The following GPC3 variants were observed in gnomAD, a reference collection of about 807,000 sequenced individuals.
GPC3 encodes glypican 3, also known as glypican-3.
GPC3 carries 3 observed loss-of-function variants against 34.4 expected under a neutral mutation model. That is an observed-to-expected ratio of 0.09 (90% CI 0.04 to 0.23). GPC3 has a LOEUF of 0.23. Among genes scored for constraint, GPC3 ranks in the 10% least tolerant of loss-of-function variants. The pLI is 1.00. For missense variants in GPC3, 351 were observed against 445.6 expected, an observed-to-expected ratio of 0.79 and a Z score of 1.91; for synonymous variants, 177 against 174.0, an observed-to-expected ratio of 1.02 and a Z score of -0.13.
At chrX:133,863,934 C>T (rs1406776931) in intron 2 of GPC3, among the ~76,000 whole-genome samples, 2 of 110,610 alleles carry the variant, frequency 1.8e-5, no homozygotes, top group African/African-American at 6.6e-5. Context: ...GGATTACAGG[C>T]GTGAGCCACC....
At chrX:133,773,346 T>C (rs902566867) in intron 2 of GPC3, among the ~76,000 whole-genome samples, 6 of 111,795 alleles carry the variant, frequency 5.4e-5, no homozygotes, top group East Asian at 2.8e-4. Flanking sequence ...ACAGTACCAA[T>C]TGACAAAGAA....
intron 5 of GPC3, among the ~76,000 whole-genome samples, chrX:133,662,397 T>C (rs1350665261): frequency 1.8e-5 from 2 of 112,245 alleles, no homozygotes; most frequent in Non-Finnish European, 3.8e-5. Context: ...ATTATACCTG[T>C]CAGCTTCCCT....
chrX:133,822,760 A>G (rs2075725562), intron 2 of GPC3, among the ~76,000 whole-genome samples: 1 of 111,229 alleles, frequency 9.0e-6, no homozygotes, highest in Admixed American at 9.6e-5. Flanking sequence ...ATTACCACAG[A>G]CTAGAAACAA....
intron 7 of GPC3, among the ~76,000 whole-genome samples, chrX:133,586,985 G>A (rs187228203): frequency 1.8e-5 from 2 of 110,929 alleles, no homozygotes; most frequent in Admixed American, 1.9e-4. Context: ...CCTCCTTCTG[G>A]CTATTTGAAA....
intron 4 of GPC3, among the ~76,000 whole-genome samples, chrX:133,698,941 C>T (rs1374332549): frequency 8.9e-6 from 1 of 112,043 alleles, no homozygotes; most frequent in Non-Finnish European, 1.9e-5. Flanking sequence ...AGAAAGGCTC[C>T]ATCTCAGATT....
At chrX:133,797,425 T>C (rs773149492) in intron 2 of GPC3, among the ~76,000 whole-genome samples, 6 of 111,821 alleles carry the variant, frequency 5.4e-5, no homozygotes, top group African/African-American at 1.6e-4. Flanking sequence ...CCCACAAAAC[T>C]ACAACTTCTT....
intron 2 of GPC3, among the ~76,000 whole-genome samples, chrX:133,933,259 G>A (rs12687021): frequency 0.045 from 4,942 of 110,396 alleles, 115 homozygotes; most frequent in East Asian, 0.097. Context: ...ACCCTATCCA[G>A]AGCACATCAT....
chrX:133,646,448 T>A (rs1386818017), intron 6 of GPC3, among the ~76,000 whole-genome samples: 1 of 111,801 alleles, frequency 8.9e-6, no homozygotes, highest in Non-Finnish European at 1.9e-5. Flanking sequence ...GGGGGAGGTA[T>A]GCCAAAGATT....
intron 7 of GPC3, among the ~76,000 whole-genome samples, chrX:133,543,283 T>C (rs987344427): frequency 2.7e-5 from 3 of 111,229 alleles, no homozygotes; most frequent in African/African-American, 9.8e-5. Flanking sequence ...CACTCCTGGA[T>C]TATTTTTGTA....
intron 2 of GPC3, among the ~76,000 whole-genome samples, chrX:133,830,007 A>C (rs2075767451): frequency 8.9e-6 from 1 of 112,379 alleles, no homozygotes. Flanking sequence ...GATAATTTGC[A>C]TATACAGACA....
At chrX:133,859,029 C>T (rs1247471361) in intron 2 of GPC3, among the ~76,000 whole-genome samples, 1 of 103,933 alleles carries the variant, frequency 9.6e-6, no homozygotes, top group East Asian at 3.0e-4. Context: ...TGCAGTGAGC[C>T]GAGATCATGC....
intron 2 of GPC3, among the ~76,000 whole-genome samples, chrX:133,792,393 T>C (rs1161551724): frequency 9.0e-6 from 1 of 111,338 alleles, no homozygotes; most frequent in East Asian, 2.8e-4. Context: ...AATAAATGGG[T>C]ATAGAATGAG....
At chrX:133,787,626 T>G (rs940877207) in intron 2 of GPC3, among the ~76,000 whole-genome samples, 3 of 111,647 alleles carry the variant, frequency 2.7e-5, no homozygotes, top group Non-Finnish European at 5.7e-5. Context: ...GTGAAGTCAG[T>G]TATCTGCTCA....
intron 2 of GPC3, among the ~76,000 whole-genome samples, chrX:133,869,863 G>A (rs2075986556): frequency 8.9e-6 from 1 of 112,232 alleles, no homozygotes; most frequent in South Asian, 3.7e-4. Context: ...GCTGAGGCAG[G>A]AGAATGGCAT....
intron 6 of GPC3, among the ~76,000 whole-genome samples, chrX:133,656,236 G>A (rs2070662734): frequency 8.9e-6 from 1 of 112,448 alleles, no homozygotes; most frequent in South Asian, 3.7e-4. Flanking sequence ...TTTGGCCATA[G>A]AAATTACCAT....
chrX:133,654,836 T>C (rs753812351), intron 6 of GPC3, among the ~76,000 whole-genome samples: 1 of 112,320 alleles, frequency 8.9e-6, no homozygotes, highest in Non-Finnish European at 1.9e-5. Context: ...TTCATAAACC[T>C]GGTAGTCTAT....
intron 5 of GPC3, among the ~76,000 whole-genome samples, chrX:133,670,231 G>A (rs939655783): frequency 9.0e-6 from 1 of 111,647 alleles, no homozygotes; most frequent in African/African-American, 3.3e-5. Context: ...CACTCTCAGC[G>A]ATCATCTGGT....
intron 6 of GPC3, among the ~76,000 whole-genome samples, chrX:133,646,529 G>A (rs1414675689): frequency 9.0e-6 from 1 of 111,636 alleles, no homozygotes; most frequent in African/African-American, 3.3e-5. Context: ...CTATACTCGA[G>A]GCATGAATCA....
At chrX:133,811,994 A>G (rs1471702923) in intron 2 of GPC3, among the ~76,000 whole-genome samples, 1 of 112,257 alleles carries the variant, frequency 8.9e-6, no homozygotes, top group Non-Finnish European at 1.9e-5. Flanking sequence ...TGTTGCAAAC[A>G]GTGGTGCAAA....
Sources: allele counts gnomAD v4.1 joint callset (sites outside exome capture counted in the v4.1 genomes callset), GRCh38; gene constraint gnomAD v4.1.1; transcripts MANE v1.5; gene names NCBI Gene and HGNC (gene_info 2026-07-23, HGNC 2026-07-21).